The following DYNC1I1 variants were observed in gnomAD, a reference collection of about 807,000 sequenced individuals.
DYNC1I1 encodes cytoplasmic dynein 1 intermediate chain 1.
In DYNC1I1, 43 loss-of-function variants were observed where a neutral mutation model predicts 86.6. The ratio of observed to expected loss-of-function variants is 0.50; its 90% confidence interval spans 0.39 to 0.64. The LOEUF (loss-of-function observed/expected upper bound fraction) is 0.64, where lower values mean the gene tolerates loss of function less well. Ranked by LOEUF, DYNC1I1 falls within the 30% of genes least tolerant of loss-of-function variation. The pLI is 0.00. For synonymous variants in DYNC1I1, 262 were observed against 283.7 expected (o/e 0.92, Z 0.77); for missense variants, 604 against 788.8 (o/e 0.77, Z 2.81).
At chr7:95,854,346 C>G (rs968083445) in intron 5 of DYNC1I1, among the ~76,000 whole-genome samples, 1 of 151,964 alleles carries the variant, frequency 6.6e-6, no homozygotes, top group Non-Finnish European at 1.5e-5. Context: ...AGGCTTACAG[C>G]AAACATAGGT....
intron 10 of DYNC1I1, among the ~76,000 whole-genome samples, chr7:96,021,906 T>G (rs991578052): frequency 6.6e-6 from 1 of 152,204 alleles, no homozygotes; most frequent in Non-Finnish European, 1.5e-5. Flanking sequence ...CATTCCTCAG[T>G]TGAGGGACAT....
intron 6 of DYNC1I1, among the ~76,000 whole-genome samples, chr7:95,957,303 C>CTG (rs1389282130): frequency 1.3e-5 from 2 of 152,112 alleles, no homozygotes; most frequent in Admixed American, 6.5e-5. Flanking sequence ...TTTTGTAAAC[C>CTG]TGGCATTTGG....
At chr7:95,780,543 G>T (rs1793965671) in intron 1 of DYNC1I1, among the ~76,000 whole-genome samples, 1 of 151,512 alleles carries the variant, frequency 6.6e-6, no homozygotes, top group South Asian at 2.1e-4. Flanking sequence ...CTCCCAAAGT[G>T]CTGGGATTAC....
intron 6 of DYNC1I1, among the ~76,000 whole-genome samples, chr7:95,872,653 T>G (rs953394384): frequency 1.3e-5 from 2 of 152,190 alleles, no homozygotes; most frequent in African/African-American, 4.8e-5. Context: ...AAGCAAGATT[T>G]AAGTATAAAT....
chr7:95,903,711 A>G (rs1333900406), intron 6 of DYNC1I1, among the ~76,000 whole-genome samples: 1 of 152,206 alleles, frequency 6.6e-6, no homozygotes, highest in Non-Finnish European at 1.5e-5. Flanking sequence ...ATTTATCCTT[A>G]TAACAACTCT....
chr7:96,048,216 G>T (rs981855682), intron 14 of DYNC1I1, among the ~76,000 whole-genome samples: 2 of 152,202 alleles, frequency 1.3e-5, no homozygotes, highest in Admixed American at 6.5e-5. Context: ...TTTCATAGGT[G>T]ATATCTAATT....
intron 1 of DYNC1I1, among the ~76,000 whole-genome samples, chr7:95,790,270 C>T (rs183172266): frequency 6.6e-6 from 1 of 152,266 alleles, no homozygotes; most frequent in Non-Finnish European, 1.5e-5. Flanking sequence ...GATGGTTGCT[C>T]ACTCAGTCTT....
At chr7:96,098,475 A>C (rs1791077708), downstream of DYNC1I1, 1 of 953,634 alleles carries the variant, frequency 1.0e-6, no homozygotes, top group Admixed American at 6.2e-5. Context: ...CTTGACTGGA[A>C]TTCTGCTGGG....
chr7:96,032,240 T>C (rs1191831178), intron 11 of DYNC1I1, among the ~76,000 whole-genome samples: 1 of 152,156 alleles, frequency 6.6e-6, no homozygotes, highest in African/African-American at 2.4e-5. Flanking sequence ...AACTCCAGAT[T>C]TAGTAACATG....
chr7:95,872,123 G>A (rs1790188366), intron 6 of DYNC1I1, among the ~76,000 whole-genome samples: 3 of 152,244 alleles, frequency 2.0e-5, no homozygotes, highest in Admixed American at 2.0e-4. Context: ...GTTGGCAGGA[G>A]AGCTGCGTGG....
intron 10 of DYNC1I1, among the ~76,000 whole-genome samples, chr7:96,017,402 A>G (rs1794430361): frequency 6.6e-6 from 1 of 152,234 alleles, no homozygotes; most frequent in Non-Finnish European, 1.5e-5. Flanking sequence ...TTTCTAAAAA[A>G]GAGACAAGAA....
At chr7:95,842,791 C>T (rs554834060) in intron 5 of DYNC1I1, among the ~76,000 whole-genome samples, 55 of 152,180 alleles carry the variant, frequency 3.6e-4, no homozygotes, top group African/African-American at 1.3e-3. Flanking sequence ...TTATTTGATG[C>T]TCTATGGGTG....
At chr7:96,084,006 A>C (rs191751146) in intron 16 of DYNC1I1, among the ~76,000 whole-genome samples, 1 of 152,272 alleles carries the variant, frequency 6.6e-6, no homozygotes, top group Admixed American at 6.5e-5. Context: ...TGTCTGTGGG[A>C]AGACATCTCA....
chr7:95,931,267 A>G (rs1791888019), intron 6 of DYNC1I1, among the ~76,000 whole-genome samples: 1 of 151,850 alleles, frequency 6.6e-6, no homozygotes, highest in African/African-American at 2.4e-5. Flanking sequence ...CTGGTGTCTC[A>G]GCCGCCTGAG....
At chr7:95,913,820 T>C (rs1791400350) in intron 6 of DYNC1I1, among the ~76,000 whole-genome samples, 1 of 152,202 alleles carries the variant, frequency 6.6e-6, no homozygotes, top group South Asian at 2.1e-4. Context: ...CAGTTGTCTG[T>C]AGTTGTGCTT....
At chr7:95,984,783 A>G in intron 7 of DYNC1I1, 32 bp from the exon 8 acceptor site, 1 of 1,549,480 alleles carries the variant, frequency 6.5e-7, no homozygotes, top group Non-Finnish European at 8.6e-7. Flanking sequence ...CTTCCCTAAC[A>G]ATCTCTTTTA....
intron 14 of DYNC1I1, among the ~76,000 whole-genome samples, chr7:96,064,210 A>ATCTCTCTCTCTCTC (rs10557179): frequency 2.1e-5 from 3 of 140,930 alleles, no homozygotes; most frequent in African/African-American, 7.9e-5. Flanking sequence ...AAATATTCAT[A>ATCTCTCTCTCTCTC]TCTCTCTCTC....
At chr7:96,012,791 C>A (rs1195435200) in intron 10 of DYNC1I1, among the ~76,000 whole-genome samples, 2 of 152,124 alleles carry the variant, frequency 1.3e-5, no homozygotes, top group Non-Finnish European at 2.9e-5. Flanking sequence ...AATGGCCACC[C>A]AAAGACATCT....
At chr7:95,788,578 C>T (rs1458623977) in intron 1 of DYNC1I1, among the ~76,000 whole-genome samples, 2 of 152,118 alleles carry the variant, frequency 1.3e-5, no homozygotes, top group Non-Finnish European at 2.9e-5. Flanking sequence ...GTGAGTTGGT[C>T]AGGGCGATGT....
Sources: allele counts gnomAD v4.1 joint callset (sites outside exome capture counted in the v4.1 genomes callset), GRCh38; gene constraint gnomAD v4.1.1; transcripts MANE v1.5; gene names NCBI Gene and HGNC (gene_info 2026-07-23, HGNC 2026-07-21).